BTBD3: variants seen among roughly 807,000 people sequenced by gnomAD.
BTBD3 encodes the protein BTB/POZ domain-containing protein 3.
A neutral mutation model predicts 41.6 loss-of-function variants in BTBD3; 14 were observed. That is an observed-to-expected ratio of 0.34 (90% CI 0.22 to 0.53). The LOEUF (loss-of-function observed/expected upper bound fraction) is 0.53, where lower values mean the gene tolerates loss of function less well. Ranked by LOEUF, BTBD3 falls within the 20% of genes least tolerant of loss-of-function variation. The pLI is 0.95. For synonymous variants in BTBD3, 249 were observed against 233.7 expected, an observed-to-expected ratio of 1.07 and a Z score of -0.60; for missense variants, 426 against 654.7, an observed-to-expected ratio of 0.65 and a Z score of 3.81.
rs758251183 is a variant in BTBD3 at position 11,926,211 on chromosome 20, A to G, written c.*2545A>G. 3.9e-5 allele frequency: 6 copies of G among 152,600 alleles called. No individual in the cohort carries two copies. The highest frequency in any genetic ancestry group is 7.3e-5 in the Non-Finnish European group (5 of 68,030). The allele number at this position is 152,600 out of a possible 1,614,324, so 9.5% of individuals were successfully genotyped here. ...AATACACTGTAGATGCTTTTCCCCAACGTATCTGGCTGGCAGTCTTTGTCG... is the reference window on the plus strand; with the variant it reads ...AATACACTGTAGATGCTTTTCCCCAGCGTATCTGGCTGGCAGTCTTTGTCG... On this transcript the variant is annotated 3_prime_UTR_variant, in exon 4 of 4. Transcript: ENST00000378226.
chr20:11,894,742 C>CT (rs1438296668), intron 1 of BTBD3, among the ~76,000 whole-genome samples: 3 of 151,690 alleles, frequency 2.0e-5, no homozygotes, highest in Non-Finnish European at 4.4e-5. Context: ...CTACCTTGTC[C>CT]TTTATGATTT....
Position 11,923,833 on chromosome 20 carries a change from A to T in BTBD3, c.*167A>T, listed in dbSNP as rs561389646. On this transcript the variant is annotated 3_prime_UTR_variant, in exon 4 of 4. Transcript: ENST00000378226. The surrounding 1 kb of genome is among the most constrained non-coding windows in gnomAD (Gnocchi z 5.3). ...ACCTTTTAATTATGTACAGGCAAAA[A>T]TGCAGCATTCCGCTTTTAACTATCT... 28 of 648,694 alleles carry T rather than the reference A, an allele frequency of 4.3e-5. No homozygotes were observed. The highest frequency in any genetic ancestry group is 3.5e-4 in the African/African-American group (19 of 54,902). The allele number at this position is 648,694 out of a possible 1,614,324, so 40.2% of individuals were successfully genotyped here. A position where few individuals can be genotyped will look rare whatever the true frequency, so the allele number is the denominator to read the frequency against.
chr20:11,917,540 A>G (rs990002529), upstream of BTBD3, among the ~76,000 whole-genome samples: 5 of 152,226 alleles, frequency 3.3e-5, no homozygotes, highest in Non-Finnish European at 5.9e-5. Context: ...TTTGAAACTA[A>G]ATGCTGCTGG....
intron 1 of BTBD3, among the ~76,000 whole-genome samples, chr20:11,911,867 G>C (rs1261891616): frequency 6.6e-6 from 1 of 152,100 alleles, no homozygotes; most frequent in Admixed American, 6.5e-5. Context: ...TAGATGAGTA[G>C]TTTAGTATTC....
At chr20:11,901,838 A>G (rs6109176) in intron 1 of BTBD3, among the ~76,000 whole-genome samples, 111,003 of 152,048 alleles carry the variant, frequency 0.73, 40,971 homozygotes, top group Non-Finnish European at 0.78. Context: ...GATAAGGACA[A>G]CCTATATTTT....
At chr20:11,909,104 G>A (rs1179472304) in intron 1 of BTBD3, among the ~76,000 whole-genome samples, 3 of 151,862 alleles carry the variant, frequency 2.0e-5, no homozygotes, top group Non-Finnish European at 4.4e-5. Context: ...GTGAAACCCC[G>A]TCTCTACTAA....
At chr20:11,908,429 A>G (rs1312148312) in intron 1 of BTBD3, among the ~76,000 whole-genome samples, 1 of 149,256 alleles carries the variant, frequency 6.7e-6, no homozygotes, top group Admixed American at 6.8e-5. Context: ...TAAAGTTCCT[A>G]TGTATTATAA....
chr20:11,918,786 A>G (rs1600244725), intron 1 of BTBD3, 185 bp downstream of exon 1: 3 of 679,330 alleles, frequency 4.4e-6, no homozygotes, highest in South Asian at 2.6e-5. Flanking sequence ...TTAGATAAAA[A>G]TGTTTTTGCA....
intron 3 of BTBD3, 143 bp from the exon 4 acceptor site, chr20:11,922,490 TG>T: frequency 3.2e-6 from 2 of 627,254 alleles, no homozygotes; most frequent in Non-Finnish European, 5.4e-6. Context: ...ATGTTTCGAA[TG>T]TTCCTTTACT....
chr20:11,907,077 G>A (rs1174394836), intron 1 of BTBD3, among the ~76,000 whole-genome samples: 1 of 152,106 alleles, frequency 6.6e-6, no homozygotes, highest in African/African-American at 2.4e-5. Context: ...AGTTGAGGCC[G>A]GTTGATAAAG....
At chr20:11,895,198 T>C (rs1365907099) in intron 1 of BTBD3, among the ~76,000 whole-genome samples, 1 of 152,172 alleles carries the variant, frequency 6.6e-6, no homozygotes, top group Non-Finnish European at 1.5e-5. Flanking sequence ...CTCTGTGTGT[T>C]GATCCTCTAG....
chr20:11,920,908 A>G (rs1465155215), intron 3 of BTBD3, among the ~76,000 whole-genome samples: 1 of 151,476 alleles, frequency 6.6e-6, no homozygotes, highest in Non-Finnish European at 1.5e-5. Context: ...TTAATTCATT[A>G]TTCATCTTAC....
At chr20:11,916,707 C>T (rs981615355), upstream of BTBD3, among the ~76,000 whole-genome samples, 1 of 152,066 alleles carries the variant, frequency 6.6e-6, no homozygotes, top group African/African-American at 2.4e-5. Context: ...GTCAGGTAGT[C>T]ATTATTCAGA....
chr20:11,912,722 T>C (rs961563822), intron 1 of BTBD3, among the ~76,000 whole-genome samples: 1 of 152,224 alleles, frequency 6.6e-6, no homozygotes, highest in African/African-American at 2.4e-5. Context: ...ACAAAACATA[T>C]AATCTTGCCT....
At chr20:11,897,484 C>CAAAA (rs71186168) in intron 1 of BTBD3, among the ~76,000 whole-genome samples, 76 of 65,372 alleles carry the variant, frequency 1.2e-3, no homozygotes, top group Non-Finnish European at 1.5e-3. Flanking sequence ...GTTATTTAAG[C>CAAAA]AAAAAAAAAA....
At position 11,926,494 on chromosome 20, in the gene BTBD3, G is replaced by A. The variant is rs879648507; in HGVS notation, c.*2828G>A. The A allele has an allele frequency of 1.3e-5, 2 of 152,610 alleles. No homozygotes were observed. The highest frequency in any genetic ancestry group is 2.9e-5 in the Non-Finnish European group (2 of 68,036). The allele number at this position is 152,610 out of a possible 1,614,324, so 9.5% of individuals were successfully genotyped here. ...AATACATAAATATGAAGTACCTCAT[G>A]TTGAATGTTATTGTACTGTATTTTT... On this transcript the variant is annotated 3_prime_UTR_variant, in exon 4 of 4. Transcript: ENST00000378226.
intron 1 of BTBD3, among the ~76,000 whole-genome samples, chr20:11,901,457 G>C (rs1048816366): frequency 6.6e-6 from 1 of 152,166 alleles, no homozygotes; most frequent in Non-Finnish European, 1.5e-5. Flanking sequence ...CTATGCAGTC[G>C]CAGTCAGTCT....
In BTBD3 at chr20:11,925,577, T is replaced by G. The variant is rs2057011758; in HGVS notation, c.*1911T>G. Reference sequence around the variant, plus strand: ...TCTTATTGGGGAGATTACAGGTAGTTTGGCAAAGCATTGAAGTACAAAGGT... The same window carrying G: ...TCTTATTGGGGAGATTACAGGTAGTGTGGCAAAGCATTGAAGTACAAAGGT... On this transcript the variant is annotated 3_prime_UTR_variant, in exon 4 of 4. Coordinates refer to ENST00000378226, the MANE Select transcript of BTBD3 (RefSeq NM_014962.4). 1 of 152,648 alleles carries G rather than the reference T, an allele frequency of 6.6e-6. No individual in the cohort carries two copies. The highest frequency in any genetic ancestry group is 6.5e-5 in the Admixed American group (1 of 15,284). 9.5% of individuals were successfully genotyped at this position (152,648 alleles called of 1,614,324 possible).
At chr20:11,914,196 C>T (rs1390581432), upstream of BTBD3, among the ~76,000 whole-genome samples, 2 of 152,002 alleles carry the variant, frequency 1.3e-5, no homozygotes, top group African/African-American at 4.8e-5. Context: ...ACCCTTCAAC[C>T]CAGTGGGTGA....
Sources: allele counts gnomAD v4.1 joint callset (sites outside exome capture counted in the v4.1 genomes callset), GRCh38; gene constraint gnomAD v4.1.1; non-coding constraint Gnocchi (gnomAD v3.1); transcripts MANE v1.5; gene names NCBI Gene and HGNC (gene_info 2026-07-23, HGNC 2026-07-21).